CDKN2A: variants seen among roughly 807,000 people sequenced by gnomAD.
CDKN2A encodes cyclin-dependent kinase inhibitor 2A.
Under a neutral mutation model 11.1 loss-of-function variants are expected in CDKN2A, and 3 were observed. The observed-to-expected ratio is 0.27, with a 90% CI of 0.12 to 0.70. The LOEUF (loss-of-function observed/expected upper bound fraction) is 0.70. CDKN2A is among the 30% of genes least tolerant of loss of function. The pLI is 0.77. For missense variants in CDKN2A, 265 were observed against 233.6 expected (o/e 1.13, Z -0.88); for synonymous variants, 122 against 108.1 (o/e 1.13, Z -0.80).
chr9:21,979,090 G>T (rs1359417046), upstream of CDKN2A, among the ~76,000 whole-genome samples: 2 of 152,216 alleles, frequency 1.3e-5, no homozygotes, highest in Non-Finnish European at 2.9e-5. Context: ...GCTGAGAGCT[G>T]ATCCCAGTCT....
chr9:21,969,810 G>C lies in CDKN2A; in HGVS notation c.457+1092C>G, dbSNP rs142231482. On this transcript the variant is annotated intron_variant, in intron 2 of 2. Transcript: ENST00000304494. Reference sequence around the variant, plus strand: ...TAGCTGTAACTGGAGGGAATTGGCGGGGGGGAGGGGAGGAGGGGCCGAGTA... The same window carrying C: ...TAGCTGTAACTGGAGGGAATTGGCGCGGGGGAGGGGAGGAGGGGCCGAGTA... 3,292 of 398,102 alleles carry C rather than the reference G, an allele frequency of 8.3e-3. 27 individuals carry two copies. Among genetic ancestry groups the C allele is most frequent in the Non-Finnish European group, 0.011 (2,555 of 225,946 alleles). The allele number at this position is 398,102 out of a possible 1,614,324, so 24.7% of individuals were successfully genotyped here.
chr9:21,981,945 A>T (rs907885905), intron 2 of CDKN2A, among the ~76,000 whole-genome samples: 3 of 152,210 alleles, frequency 2.0e-5, no homozygotes, highest in Admixed American at 6.5e-5. Context: ...AGAAAAAACA[A>T]TGTGTCCCTG....
upstream of CDKN2A, among the ~76,000 whole-genome samples, chr9:21,978,305 AT>A (rs1277440282): frequency 6.6e-6 from 1 of 152,062 alleles, no homozygotes; most frequent in African/African-American, 2.4e-5. Flanking sequence ...TAAATAATTA[AT>A]AATAGTGGGA....
Position 21,968,347 on chromosome 9 carries a change from T to C in CDKN2A, c.458-105A>G, listed in dbSNP as rs1060501266. Reference sequence around the variant, plus strand: ...GTCCCTACCGGCATTGAAATACTTATGGATAAAGTTCTCGCAATGGCTTCA... The same window carrying C: ...GTCCCTACCGGCATTGAAATACTTACGGATAAAGTTCTCGCAATGGCTTCA... On this transcript the variant is annotated intron_variant, in intron 2 of 2. Transcript: ENST00000304494. The surrounding 1 kb of genome is among the most constrained non-coding windows in gnomAD (Gnocchi z 4.7). 17 of 1,525,560 alleles carry C rather than the reference T, an allele frequency of 1.1e-5. No individual in the cohort carries two copies. Among genetic ancestry groups the C allele is most frequent in the East Asian group, 2.3e-5 (1 of 43,786 alleles). The allele number at this position is 1,525,560 out of a possible 1,614,324, so 94.5% of individuals were successfully genotyped here.
At chr9:21,971,474 AGGGGC>A in intron 1 of CDKN2A, 1 of 874,134 alleles carries the variant, frequency 1.1e-6, no homozygotes, top group African/African-American at 1.7e-5. Flanking sequence ...AAAATAGCAA[AGGGGC>A]AGGGACAGAC....
chr9:21,991,780 T>C lies in CDKN2A; in HGVS notation c.-4+2102A>G, dbSNP rs1820436687. 1 of 985,058 alleles carries C rather than the reference T, an allele frequency of 1.0e-6. No homozygotes were observed. Among genetic ancestry groups the C allele is most frequent in the South Asian group, 4.7e-5 (1 of 21,282 alleles). 61.0% of individuals were successfully genotyped at this position (985,058 alleles called of 1,614,324 possible). On this transcript the variant is annotated intron_variant, in intron 2 of 3. Transcript: ENST00000494262. This position sits in a 1 kb window ranked among gnomAD's most constrained non-coding sequence, Gnocchi z 5.2. ...AGAGTACTCAAAGAAGTAAAATGAA[T>C]ATAAGTCTTGATTTCTGAAAGGGCT...
At chr9:21,982,403 ATC>A (rs1320787310) in intron 2 of CDKN2A, among the ~76,000 whole-genome samples, 1 of 152,162 alleles carries the variant, frequency 6.6e-6, no homozygotes, top group Non-Finnish European at 1.5e-5. Context: ...CTATTAAAAT[ATC>A]TCTAGGGTGT....
upstream of CDKN2A, among the ~76,000 whole-genome samples, chr9:21,977,344 CTTTT>C (rs1820061219): frequency 6.6e-6 from 1 of 152,116 alleles, no homozygotes; most frequent in South Asian, 2.1e-4. Context: ...ATGGTTCTTT[CTTTT>C]TGTTTGTTTG....
Position 21,971,004 on chromosome 9 carries a change from C to T in CDKN2A, c.355G>A (p.Glu119Lys), listed in dbSNP as rs1563888963. The change falls in exon 2 of 3, where the codon GAG becomes AAG. Residue 119 changes from glutamate (E) to lysine (K), a missense_variant. Glu to Lys is a moderately conservative substitution (Grantham distance 56). Transcript: ENST00000304494. ...GCGACATCGCGATGGCCCAGCTCCT[C>T]AGCCAGGTCCACGGGCAGACGGCCC... ...AWGRLPVDLA[E>K]ELGHRDVARY... is the part of the protein sequence containing the mutation. 2 of 1,608,992 alleles carry T rather than the reference C, an allele frequency of 1.2e-6. No individual in the cohort carries two copies. Among genetic ancestry groups the T allele is most frequent in the Non-Finnish European group, 1.7e-6 (2 of 1,179,880 alleles).
rs560686386 is a variant in CDKN2A at position 21,970,819 on chromosome 9, G to A, written c.457+83C>T. ...GGCAAGACCGGAGACTGGTCTCCCG[G>A]GCTGAACTTTCTGTGCTGGAAAATG... is the stretch of plus-strand genomic sequence containing the variant. On this transcript the variant is annotated intron_variant, in intron 2 of 2. Transcript: ENST00000304494. 6.7e-4 allele frequency: 1,039 copies of A among 1,545,910 alleles called. 2 individuals carry two copies. The highest frequency in any genetic ancestry group is 4.3e-3 in the Middle Eastern group (19 of 4,470).
Position 21,974,660 on chromosome 9 carries a change from T to C in CDKN2A, c.150+18A>G, listed in dbSNP as rs1251604295. ...GTCGCCCGCCATCCCCTGCTCCCGCTGCAGACCCTCTACCCACCTGGATCG... is the reference window on the plus strand; with the variant it reads ...GTCGCCCGCCATCCCCTGCTCCCGCCGCAGACCCTCTACCCACCTGGATCG... On this transcript the variant is annotated intron_variant, in intron 1 of 2. Coordinates refer to ENST00000304494, the MANE Select transcript of CDKN2A (RefSeq NM_000077.5). The surrounding 1 kb of genome is among the most constrained non-coding windows in gnomAD (Gnocchi z 5.2). The C allele has an allele frequency of 6.2e-7, 1 of 1,614,130 alleles. No homozygotes were observed. The highest frequency in any genetic ancestry group is 1.7e-5 in the Admixed American group (1 of 60,028).
In CDKN2A at chr9:21,988,682, C is replaced by G. The variant is rs1264476029; in HGVS notation, c.-4+5200G>C. 6.6e-6 allele frequency among the ~76,000 whole-genome samples: 1 copy of G among 152,058 alleles called. No homozygotes were observed. Among genetic ancestry groups the G allele is most frequent in the Non-Finnish European group, 1.5e-5 (1 of 68,022 alleles). ...TCACTACTTGAGTGACAGATTCAGT[C>G]GTACTCGAAACCTCAGCATGGTGCA... is the stretch of plus-strand genomic sequence containing the variant. On this transcript the variant is annotated intron_variant, in intron 2 of 3. Transcript: ENST00000494262. This position sits in a 1 kb window ranked among gnomAD's most constrained non-coding sequence, Gnocchi z 4.1.
chr9:21,991,300 T>G lies in CDKN2A; in HGVS notation c.-4+2582A>C, dbSNP rs1820423744. The stretch of plus-strand genomic sequence containing the variant: ...ACTTTCTTAAAGTATCATGAGTTTT[T>G]TTTTTTTTTTAAGCTCATCAGCTAT... On this transcript the variant is annotated intron_variant, in intron 2 of 3. Transcript: ENST00000494262. This position sits in a 1 kb window ranked among gnomAD's most constrained non-coding sequence, Gnocchi z 5.2. Among the ~76,000 whole-genome samples the G allele has an allele frequency of 6.6e-6, 1 of 152,050 alleles. No homozygotes were observed. The highest frequency in any genetic ancestry group is 6.6e-5 in the Admixed American group (1 of 15,250).
chr9:21,982,032 A>T (rs554319221), intron 2 of CDKN2A, among the ~76,000 whole-genome samples: 3 of 152,334 alleles, frequency 2.0e-5, no homozygotes, highest in African/African-American at 7.2e-5. Context: ...ATTAAATTCA[A>T]TATAGCACAA....
chr9:21,975,289 C>G (rs941130125), upstream of CDKN2A, among the ~76,000 whole-genome samples: 1 of 152,172 alleles, frequency 6.6e-6, no homozygotes, highest in Non-Finnish European at 1.5e-5. Context: ...CCGCCCCCGC[C>G]CCGTTTCCTT....
At chr9:21,972,721 G>C (rs1330282140) in intron 1 of CDKN2A, among the ~76,000 whole-genome samples, 1 of 152,144 alleles carries the variant, frequency 6.6e-6, no homozygotes, top group African/African-American at 2.4e-5. Flanking sequence ...CACCTCTTTG[G>C]TTCCTAAATC....
rs181558080 is a variant in CDKN2A at position 21,990,881 on chromosome 9, A to C, written c.-4+3001T>G. Among the ~76,000 whole-genome samples the C allele has an allele frequency of 5.2e-3, 791 of 152,344 alleles. 3 individuals are homozygous for C. The highest frequency in any genetic ancestry group is 8.2e-3 in the Admixed American group (126 of 15,302). ...TTTCCTTAGGATGATGCCTGAATATAAAATAGCTGAATGAAAGTGGATGGG... is the reference window on the plus strand; with the variant it reads ...TTTCCTTAGGATGATGCCTGAATATCAAATAGCTGAATGAAAGTGGATGGG... On this transcript the variant is annotated intron_variant, in intron 2 of 3. Transcript: ENST00000494262.
chr9:21,994,202 C>T lies in CDKN2A; in HGVS notation c.-175-149G>A. The T allele has an allele frequency of 6.2e-7, 1 of 1,606,682 alleles. No homozygotes were observed. Among genetic ancestry groups the T allele is most frequent in the Non-Finnish European group, 8.5e-7 (1 of 1,179,826 alleles). Reference sequence around the variant, plus strand: ...CTCCTCAGTAGCATCAGCACGAGGGCCACAGCGGCGGGCGCCCCTGGCGCT... The same window carrying T: ...CTCCTCAGTAGCATCAGCACGAGGGTCACAGCGGCGGGCGCCCCTGGCGCT... On this transcript the variant is annotated intron_variant, in intron 1 of 3. Coordinates refer to the CDKN2A transcript ENST00000494262.
chr9:21,991,183 G>T lies in CDKN2A; in HGVS notation c.-4+2699C>A, dbSNP rs1296988604. On this transcript the variant is annotated intron_variant, in intron 2 of 3. Transcript: ENST00000494262. This position sits in a 1 kb window ranked among gnomAD's most constrained non-coding sequence, Gnocchi z 5.2. ...TATCAGGCTGGGCTTTGCAGCAGAT[G>T]GAGGAGCTAGGGCAAGCTTGTCCAA... Among the ~76,000 whole-genome samples the T allele has an allele frequency of 2.0e-5, 3 of 152,206 alleles. No individual in the cohort carries two copies. The highest frequency in any genetic ancestry group is 4.4e-5 in the Non-Finnish European group (3 of 68,046).
Sources: allele counts gnomAD v4.1 joint callset (sites outside exome capture counted in the v4.1 genomes callset), GRCh38; gene constraint gnomAD v4.1.1; non-coding constraint Gnocchi (gnomAD v3.1); transcripts MANE v1.5; gene names NCBI Gene and HGNC (gene_info 2026-07-23, HGNC 2026-07-21).